The following HHLA1 variants were observed in gnomAD, a reference collection of about 807,000 sequenced individuals.
The protein encoded by HHLA1 is HERV-H LTR-associating protein 1.
HHLA1 carries 72 observed loss-of-function variants against 69.9 expected under a neutral mutation model. That is an observed-to-expected ratio of 1.03 (90% confidence interval 0.85 to 1.25). HHLA1 has a LOEUF of 1.25. HHLA1 is among the 50% of genes most tolerant of loss of function. The pLI is 0.00. For synonymous variants in HHLA1, 252 were observed against 233.2 expected (o/e 1.08, Z -0.73); for missense variants, 685 against 642.2 (o/e 1.07, Z -0.72).
At chr8:132,110,803 T>C (rs1458462809) in intron 1 of HHLA1, among the ~76,000 whole-genome samples, 2 of 152,250 alleles carry the variant, frequency 1.3e-5, no homozygotes, top group African/African-American at 4.8e-5. Flanking sequence ...TTAAAGATTA[T>C]GTTTCTTTTA....
rs398047424 is a variant in HHLA1, at chr8:132,090,755, CTTTTTTTT to C, written c.449-1164_449-1157del. ...AAACATGGGCACCCTCTTTCTCTCT[CTTTTTTTT>C]TTTTTTTTTTTTTGAGATGGAGTCT... is the stretch of plus-strand genomic sequence containing the variant. On this transcript the variant is annotated intron_variant, in intron 7 of 16. Transcript: ENST00000414222. Among the ~76,000 whole-genome samples the C allele has an allele frequency of 5.1e-5, 5 of 97,638 alleles. No individual in the cohort carries two copies. In the East Asian group the frequency reaches 1.3e-3, roughly 26 times the overall value. The allele number at this position is 97,638 out of a possible 152,430, so 64.1% of individuals were successfully genotyped here.
chr8:132,107,646 T>C (rs753096609), intron 1 of HHLA1, among the ~76,000 whole-genome samples: 51 of 152,326 alleles, frequency 3.3e-4, no homozygotes, highest in South Asian at 1.2e-3. Flanking sequence ...CTACTGATAC[T>C]GTTCTTGGAG....
At chr8:132,088,981 G>A (rs58275471) in intron 8 of HHLA1, among the ~76,000 whole-genome samples, 24 of 152,148 alleles carry the variant, frequency 1.6e-4, no homozygotes, top group East Asian at 3.8e-4. Context: ...GCATCACACC[G>A]TCTTTCTGCT....
chr8:132,074,831 A>G (rs1253572814), intron 14 of HHLA1, among the ~76,000 whole-genome samples: 1 of 152,178 alleles, frequency 6.6e-6, no homozygotes, highest in Non-Finnish European at 1.5e-5. Flanking sequence ...ATAAATATCT[A>G]TTAGATAGAT....
chr8:132,095,712 C>T lies in HHLA1; in HGVS notation c.355G>A (p.Val119Ile), dbSNP rs1258488122. Residue 119 changes from valine to isoleucine, a missense_variant, in exon 6 of 17, where the codon GTT (valine) becomes ATT (isoleucine). By Grantham distance (29) the Val-to-Ile change is conservative. Transcript: ENST00000414222. ...SFAFHKFSVA[V>I]YNISNLKTVD... ...GCCAGCCAGCACTCACTGTTGTAAA[C>T]AGCTACAGAAAACTTGTGGAAGGCG... 1 of 1,551,164 alleles carries T rather than the reference C, an allele frequency of 6.4e-7. No individual in the cohort carries two copies. Among genetic ancestry groups the T allele is most frequent in the South Asian group, 1.2e-5 (1 of 83,998 alleles).
In HHLA1 at chr8:132,062,021, C is replaced by G. The variant is rs1340029117; in HGVS notation, c.*1974G>C. ...AGCCCCAGTCTTGGGCCCAAGCCAT[C>G]CATCCATTCTTCACCTTCCTTGATG... On this transcript the variant is annotated 3_prime_UTR_variant, in exon 17 of 17. Transcript: ENST00000414222. 6.6e-6 allele frequency: 1 copy of G among 152,198 alleles called. No homozygotes were observed. Among genetic ancestry groups the G allele is most frequent in the Non-Finnish European group, 1.5e-5 (1 of 68,038 alleles). 9.4% of individuals were successfully genotyped at this position (152,198 alleles called of 1,614,324 possible).
intron 1 of HHLA1, 93 bp from the exon 2 acceptor site, chr8:132,105,379 T>A: frequency 4.8e-6 from 4 of 827,700 alleles, no homozygotes; most frequent in Non-Finnish European, 8.1e-6. Context: ...AAAATCACAA[T>A]CTGAAAAAGG....
intron 10 of HHLA1, among the ~76,000 whole-genome samples, chr8:132,086,766 G>C (rs1245453043): frequency 6.6e-6 from 1 of 152,154 alleles, no homozygotes; most frequent in Non-Finnish European, 1.5e-5. Flanking sequence ...AAGTAGTCTT[G>C]TCCCATACAA....
chr8:132,062,701 A>T lies in HHLA1; in HGVS notation c.*1294T>A, dbSNP rs1251838808. ...AGCAACCGCAAACCTGAATATAGTG[A>T]AAAAGGAATCTGATACAATGAAGGT... On this transcript the variant is annotated 3_prime_UTR_variant, in exon 17 of 17. Transcript: ENST00000414222. 1 of 152,268 alleles carries T rather than the reference A, an allele frequency of 6.6e-6. No homozygotes were observed. 9.4% of individuals were successfully genotyped at this position (152,268 alleles called of 1,614,324 possible). A position where few individuals can be genotyped will look rare whatever the true frequency, so the allele number is the denominator to read the frequency against.
chr8:132,099,472 T>C (rs1020336600), intron 4 of HHLA1, among the ~76,000 whole-genome samples: 2 of 152,162 alleles, frequency 1.3e-5, no homozygotes, highest in Non-Finnish European at 2.9e-5. Context: ...TGACCCAGAA[T>C]GGAGGGAGAA....
rs1015300005 is a variant in HHLA1 at position 132,076,388 on chromosome 8, C to T, written c.1240+87G>A. On this transcript the variant is annotated intron_variant, in intron 13 of 16. Coordinates refer to ENST00000414222, the MANE Select transcript of HHLA1 (RefSeq NM_001145095.3). ...AACCTGCTTAGATTGCTTACTGGTACCCCATCCCACCACGCCCTTGTCCCC... is the reference window on the plus strand; with the variant it reads ...AACCTGCTTAGATTGCTTACTGGTATCCCATCCCACCACGCCCTTGTCCCC... The T allele has an allele frequency of 9.2e-5, 84 of 916,534 alleles. No homozygotes were observed. In the African/African-American group the frequency reaches 1.3e-3, roughly 14 times the overall value. The allele number at this position is 916,534 out of a possible 1,614,324, so 56.8% of individuals were successfully genotyped here. A position where few individuals can be genotyped will look rare whatever the true frequency, so the allele number is the denominator to read the frequency against.
chr8:132,099,840 G>A (rs1039793836), intron 4 of HHLA1, among the ~76,000 whole-genome samples: 1 of 151,944 alleles, frequency 6.6e-6, no homozygotes, highest in Non-Finnish European at 1.5e-5. Flanking sequence ...GGCAACAAGG[G>A]TGAAACTCCA....
Position 132,063,972 on chromosome 8 carries a change from G to A in HHLA1, c.*23C>T. 38 of 1,280,620 alleles carry A rather than the reference G, an allele frequency of 3.0e-5. No individual in the cohort carries two copies. Among genetic ancestry groups the A allele is most frequent in the Non-Finnish European group, 3.9e-5 (38 of 969,020 alleles). 79.3% of individuals were successfully genotyped at this position (1,280,620 alleles called of 1,614,324 possible). A position where few individuals can be genotyped will look rare whatever the true frequency, so the allele number is the denominator to read the frequency against. On this transcript the variant is annotated 3_prime_UTR_variant, in exon 17 of 17. Coordinates refer to ENST00000414222, the MANE Select transcript of HHLA1 (RefSeq NM_001145095.3). ...GCGTATCCCCTGAAGTAATTGTTAT[G>A]CCCTAGTGTTATTTTCAAGGCCTCA...
chr8:132,082,879 A>G (rs11774802), intron 10 of HHLA1, among the ~76,000 whole-genome samples: 140,635 of 151,812 alleles, frequency 0.93, 65,317 homozygotes, highest in Middle Eastern at 0.96. Flanking sequence ...AGGTAAAATG[A>G]GGGAATTGTA....
At chr8:132,092,434 C>T (rs1324719143) in intron 7 of HHLA1, among the ~76,000 whole-genome samples, 6 of 152,142 alleles carry the variant, frequency 3.9e-5, no homozygotes, top group Admixed American at 2.6e-4. Context: ...AATTGCAATC[C>T]ACAATGCTGG....
intron 10 of HHLA1, among the ~76,000 whole-genome samples, chr8:132,081,398 C>A (rs998616865): frequency 6.6e-6 from 1 of 152,116 alleles, no homozygotes; most frequent in Non-Finnish European, 1.5e-5. Context: ...ATTGTCCAGT[C>A]CTTTTTAAGT....
intron 1 of HHLA1, among the ~76,000 whole-genome samples, chr8:132,108,623 T>C (rs1824244936): frequency 6.6e-6 from 1 of 152,140 alleles, no homozygotes; most frequent in Non-Finnish European, 1.5e-5. Flanking sequence ...AGCCAAAATA[T>C]ACTATCCCCT....
At chr8:132,104,522 C>A (rs554559789) in intron 2 of HHLA1, among the ~76,000 whole-genome samples, 1 of 152,066 alleles carries the variant, frequency 6.6e-6, no homozygotes, top group African/African-American at 2.4e-5. Flanking sequence ...TGAGAGGGGG[C>A]GTTGAGCTGA....
Position 132,095,699 on chromosome 8 carries a change from TCA to T in HHLA1, c.364+2_364+3del. ...ACCATCAAGAAGAGCCAGCCAGCAC[TCA>T]CTGTTGTAAACAGCTACAGAAAACT... On this transcript the variant is annotated splice_donor_variant and splice_donor_region_variant and intron_variant, in intron 6 of 16. Coordinates refer to ENST00000414222, the MANE Select transcript of HHLA1 (RefSeq NM_001145095.3). LOFTEE classifies it high-confidence loss of function. 1 of 1,550,562 alleles carries T rather than the reference TCA, an allele frequency of 6.4e-7. No individual in the cohort carries two copies. Among genetic ancestry groups the T allele is most frequent in the African/African-American group, 1.4e-5 (1 of 73,078 alleles).
Sources: gnomAD v4.1 joint callset for allele counts (sites outside exome capture counted in the v4.1 genomes callset) on GRCh38, gnomAD v4.1.1 for gene constraint, MANE v1.5 for transcripts, NCBI Gene and HGNC (gene_info 2026-07-23, HGNC 2026-07-21) for gene names.